DENND1A: variants seen among roughly 807,000 people sequenced by gnomAD.
DENND1A encodes DENN domain containing 1A, also known as DENN domain-containing protein 1A.
A neutral mutation model predicts 113.7 loss-of-function variants in DENND1A; 51 were observed. The observed-to-expected ratio is 0.45, with a 90% CI of 0.36 to 0.57. DENND1A has a LOEUF of 0.57. Ranked by LOEUF, DENND1A falls within the 20% of genes least tolerant of loss-of-function variation. The pLI is 0.00. For missense variants in DENND1A, 1,258 were observed against 1,395.9 expected, an observed-to-expected ratio of 0.90 and a Z score of 1.57; for synonymous variants, 565 against 570.8, an observed-to-expected ratio of 0.99 and a Z score of 0.14.
At chr9:123,689,186 G>A (rs2065012192) in intron 5 of DENND1A, among the ~76,000 whole-genome samples, 1 of 151,976 alleles carries the variant, frequency 6.6e-6, no homozygotes, top group Non-Finnish European at 1.5e-5. Flanking sequence ...CACCATGCCC[G>A]GCTAAATTGT....
intron 8 of DENND1A, among the ~76,000 whole-genome samples, chr9:123,661,753 T>C (rs1468707804): frequency 6.6e-6 from 1 of 152,222 alleles, no homozygotes; most frequent in Non-Finnish European, 1.5e-5. Context: ...TTTTAAAATC[T>C]ATAAATAACA....
intron 5 of DENND1A, among the ~76,000 whole-genome samples, chr9:123,689,745 G>A (rs1343622308): frequency 6.6e-6 from 1 of 152,098 alleles, no homozygotes; most frequent in African/African-American, 2.4e-5. Context: ...CAAGGCGGGT[G>A]GGTCACTTGA....
intron 14 of DENND1A, 123 bp downstream of exon 14, chr9:123,457,670 T>C (rs2048230487): frequency 4.2e-6 from 4 of 944,928 alleles, no homozygotes; most frequent in Non-Finnish European, 6.3e-6. Flanking sequence ...CCCCCTCCCC[T>C]GAGCCTCTTT....
At chr9:123,719,043 CT>C (rs935018360) in intron 5 of DENND1A, among the ~76,000 whole-genome samples, 4 of 152,218 alleles carry the variant, frequency 2.6e-5, no homozygotes, top group Non-Finnish European at 5.9e-5. Context: ...TTCTCATTCT[CT>C]CTCTTGCCTG....
At chr9:123,687,177 A>C (rs915887488) in intron 5 of DENND1A, among the ~76,000 whole-genome samples, 2 of 152,144 alleles carry the variant, frequency 1.3e-5, no homozygotes, top group African/African-American at 4.8e-5. Context: ...AAGCTAGTCC[A>C]ATAAAAGTAA....
chr9:123,867,547 G>A (rs946738448), intron 2 of DENND1A, among the ~76,000 whole-genome samples: 1 of 152,040 alleles, frequency 6.6e-6, no homozygotes, highest in African/African-American at 2.4e-5. Context: ...CTGCTTTTTT[G>A]GAAAGAATAT....
At chr9:123,840,788 G>A (rs2132953967) in intron 2 of DENND1A, among the ~76,000 whole-genome samples, 1 of 152,252 alleles carries the variant, frequency 6.6e-6, no homozygotes, top group East Asian at 1.9e-4. Flanking sequence ...TAGGCAGGTG[G>A]GGCGTTATCC....
At chr9:123,549,797 T>C (rs924596584) in intron 13 of DENND1A, among the ~76,000 whole-genome samples, 1 of 152,168 alleles carries the variant, frequency 6.6e-6, no homozygotes, top group Non-Finnish European at 1.5e-5. Context: ...CTTGTACCTA[T>C]GTAAACCCTT....
chr9:123,555,694 G>C (rs1347128560), intron 13 of DENND1A, among the ~76,000 whole-genome samples: 1 of 152,196 alleles, frequency 6.6e-6, no homozygotes, highest in African/African-American at 2.4e-5. Context: ...TCAACTTTTA[G>C]ACAGCTAAGA....
intron 13 of DENND1A, among the ~76,000 whole-genome samples, chr9:123,536,477 AAAAAAG>A: frequency 6.6e-6 from 1 of 151,956 alleles, no homozygotes; most frequent in South Asian, 2.1e-4. Context: ...AAAAAAAAAA[AAAAAAG>A]AAAAAGAAAA....
chr9:123,562,872 G>A (rs2057838984), intron 12 of DENND1A, among the ~76,000 whole-genome samples: 1 of 152,114 alleles, frequency 6.6e-6, no homozygotes, highest in Non-Finnish European at 1.5e-5. Context: ...CTCCTTTCCT[G>A]ATGGACTGAG....
intron 11 of DENND1A, among the ~76,000 whole-genome samples, chr9:123,599,553 T>C (rs945668095): frequency 6.6e-6 from 1 of 152,216 alleles, no homozygotes; most frequent in African/African-American, 2.4e-5. Flanking sequence ...CATCACTTTA[T>C]GGCAGGTGTC....
At chr9:123,879,265 G>A (rs1847973927) in intron 1 of DENND1A, among the ~76,000 whole-genome samples, 1 of 152,102 alleles carries the variant, frequency 6.6e-6, no homozygotes, top group African/African-American at 2.4e-5. Context: ...AGGTGTGGTG[G>A]CTCACACCTG....
intron 1 of DENND1A, among the ~76,000 whole-genome samples, chr9:123,888,457 A>T (rs1001522111): frequency 4.6e-5 from 7 of 152,250 alleles, no homozygotes; most frequent in African/African-American, 1.7e-4. Context: ...AAGGGAGAAG[A>T]GAGTAACTTT....
chr9:123,681,347 G>C (rs775236254), intron 5 of DENND1A, among the ~76,000 whole-genome samples: 1 of 151,594 alleles, frequency 6.6e-6, no homozygotes, highest in Non-Finnish European at 1.5e-5. Flanking sequence ...GGAGGGAGGC[G>C]AGGCAGAGTC....
At chr9:123,862,445 T>A (rs1845186434) in intron 2 of DENND1A, among the ~76,000 whole-genome samples, 1 of 152,306 alleles carries the variant, frequency 6.6e-6, no homozygotes, top group Middle Eastern at 3.4e-3. Context: ...ATCAGAAGAA[T>A]GTTCTTCAAG....
chr9:123,535,966 T>C (rs1479802249), intron 13 of DENND1A, among the ~76,000 whole-genome samples: 4 of 152,222 alleles, frequency 2.6e-5, no homozygotes, highest in African/African-American at 4.8e-5. Flanking sequence ...TCTGGGAATC[T>C]GGCAGTGGTA....
intron 1 of DENND1A, among the ~76,000 whole-genome samples, chr9:123,902,728 A>G (rs1482254953): frequency 7.3e-6 from 1 of 136,962 alleles, no homozygotes; most frequent in Non-Finnish European, 1.6e-5. Context: ...TAGAACAGAG[A>G]AAAAAAAAAC....
At chr9:123,609,881 T>C in intron 10 of DENND1A, among the ~76,000 whole-genome samples, 1 of 152,210 alleles carries the variant, frequency 6.6e-6, no homozygotes, top group South Asian at 2.1e-4. Context: ...ATTATTGCCA[T>C]GATTACAACA....
Sources: gnomAD v4.1 joint callset for allele counts (sites outside exome capture counted in the v4.1 genomes callset) on GRCh38, gnomAD v4.1.1 for gene constraint, MANE v1.5 for transcripts, NCBI Gene and HGNC (gene_info 2026-07-23, HGNC 2026-07-21) for gene names.